The following EXOSC9 variants were observed in gnomAD, a reference collection of about 807,000 sequenced individuals.
EXOSC9 encodes exosome component 9, also known as exosome complex component RRP45.
EXOSC9 carries 38 observed loss-of-function variants against 56.5 expected under a neutral mutation model. The observed-to-expected ratio is 0.67, with a 90% CI of 0.52 to 0.88. The LOEUF is 0.88. EXOSC9 is among the 40% of genes least tolerant of loss of function. The pLI, the probability that EXOSC9 is intolerant of heterozygous loss-of-function variation, is 0.00. For missense variants in EXOSC9, 559 were observed against 530.5 expected (o/e 1.05, Z -0.53); for synonymous variants, 170 against 170.8 (o/e 0.99, Z 0.04).
At chr4:121,807,204 C>T (rs192733470) in intron 5 of EXOSC9, among the ~76,000 whole-genome samples, 3 of 152,182 alleles carry the variant, frequency 2.0e-5, no homozygotes, top group Admixed American at 1.3e-4. Context: ...ATAGGAGAAT[C>T]GCATGAGCCC....
intron 10 of EXOSC9, chr4:121,814,931 C>A (rs1235142147): frequency 6.6e-6 from 1 of 152,128 alleles, no homozygotes; most frequent in East Asian, 1.9e-4. Context: ...GAACAGAAAT[C>A]CTACAAGGAA....
intron 8 of EXOSC9, 79 bp from the exon 9 acceptor site, chr4:121,813,154 GT>G (rs946788974): frequency 1.7e-5 from 22 of 1,333,086 alleles, no homozygotes; most frequent in African/African-American, 1.3e-4. Context: ...TAAAATAATA[GT>G]TTTTTTCCCT....
chr4:121,801,571 G>A, intron 1 of EXOSC9, 81 bp downstream of exon 1: 1 of 1,340,942 alleles, frequency 7.5e-7, no homozygotes, highest in Non-Finnish European at 1.1e-6. Flanking sequence ...GCCCGCCTGG[G>A]CCCGGGGAGC....
chr4:121,804,780 G>C (rs967478475), intron 5 of EXOSC9, 21 bp downstream of exon 5: 1 of 1,558,482 alleles, frequency 6.4e-7, no homozygotes. Context: ...ATGTGAACCA[G>C]GATCCTTGAT....
At chr4:121,804,231 C>G (rs1578497690) in intron 4 of EXOSC9, among the ~76,000 whole-genome samples, 1 of 134,724 alleles carries the variant, frequency 7.4e-6, no homozygotes, top group African/African-American at 2.8e-5. Context: ...TCAGGCTGGT[C>G]TCGAACTCCT....
intron 4 of EXOSC9, 156 bp from the exon 5 acceptor site, chr4:121,804,466 A>G: frequency 2.1e-6 from 1 of 485,986 alleles, no homozygotes; most frequent in South Asian, 4.6e-5. Context: ...TTTGGCTTAA[A>G]TTTTCTAAAA....
intron 6 of EXOSC9, among the ~76,000 whole-genome samples, chr4:121,809,584 A>G (rs1028654913): frequency 7.9e-5 from 12 of 152,336 alleles, no homozygotes; most frequent in Non-Finnish European, 1.8e-4. Context: ...CATTAGCAGA[A>G]CGCAGTAGAA....
chr4:121,816,776 C>G lies in EXOSC9; in HGVS notation c.1240C>G (p.Gln414Glu). 6.3e-7 allele frequency: 1 copy of G among 1,592,868 alleles called. No homozygotes were observed. ...PDKNPKKIRTQTTSAKQEKAP... is the reference protein window; with the variant it reads ...PDKNPKKIRTETTSAKQEKAP... ...CTTACTTTGCTTTATTCACAGAACA[C>G]AGACCACCAGTGCAAAACAAGAAAA... Residue 414 changes from glutamine to glutamate, a missense_variant, in exon 12 of 12, where the codon CAG becomes GAG. By Grantham distance (29) the Gln-to-Glu change is conservative. Transcript: ENST00000243498.
At position 121,813,848 on chromosome 4, in the gene EXOSC9, T is replaced by A. The variant is rs1476546923; in HGVS notation, c.975-18T>A. 6.4e-7 allele frequency: 1 copy of A among 1,569,276 alleles called. No homozygotes were observed. Among genetic ancestry groups the A allele is most frequent in the Admixed American group, 1.8e-5 (1 of 55,682 alleles). ...AAATAGCAATATTTTTGTTACTCAG[T>A]TTTCTTAACTTGTTAAGTGTTTCTA... On this transcript the variant is annotated intron_variant, in intron 9 of 11. Transcript: ENST00000243498.
chr4:121,816,025 A>C (rs1724485912), intron 10 of EXOSC9: 1 of 1,086,722 alleles, frequency 9.2e-7, no homozygotes, highest in South Asian at 3.0e-5. Flanking sequence ...ACTGGAGTGC[A>C]GTGGCACTGC....
At chr4:121,806,865 C>A (rs1727035988) in intron 5 of EXOSC9, among the ~76,000 whole-genome samples, 1 of 151,996 alleles carries the variant, frequency 6.6e-6, no homozygotes, top group Non-Finnish European at 1.5e-5. Flanking sequence ...GTACACCAGA[C>A]TCCTACGGAC....
At chr4:121,816,331 ACTT>A in intron 10 of EXOSC9, 35 bp from the exon 11 acceptor site, 1 of 925,824 alleles carries the variant, frequency 1.1e-6, no homozygotes, top group Non-Finnish European at 1.5e-6. Context: ...AGATTGCTTA[ACTT>A]TTTTTTTTTT....
chr4:121,801,536 G>T, intron 1 of EXOSC9, 46 bp downstream of exon 1: 1 of 1,588,184 alleles, frequency 6.3e-7, no homozygotes, highest in Non-Finnish European at 8.6e-7. Context: ...GGGCGCTCGG[G>T]TCTCAAGGTG....
At chr4:121,812,917 A>C (rs1724294713) in intron 8 of EXOSC9, among the ~76,000 whole-genome samples, 1 of 152,234 alleles carries the variant, frequency 6.6e-6, no homozygotes, top group African/African-American at 2.4e-5. Flanking sequence ...AGCAAGATAC[A>C]TAACCCAGCA....
chr4:121,813,203 TC>T, intron 8 of EXOSC9, 30 bp from the exon 9 acceptor site: 1 of 1,587,234 alleles, frequency 6.3e-7, no homozygotes, highest in South Asian at 1.2e-5. Context: ...TCCTCCCCCT[TC>T]CTTCCCACCA....
At position 121,805,548 on chromosome 4, in the gene EXOSC9, A is replaced by T. The variant is rs1726993353; in HGVS notation, c.522+789A>T. ...GTAGACTGAAGCAGAACCATTAAAAAGTGAGAAATAGGGACAAAGGTTTAT... is the reference window on the plus strand; with the variant it reads ...GTAGACTGAAGCAGAACCATTAAAATGTGAGAAATAGGGACAAAGGTTTAT... On this transcript the variant is annotated intron_variant, in intron 5 of 11. Coordinates refer to ENST00000243498, the MANE Select transcript of EXOSC9 (RefSeq NM_005033.3). Among the ~76,000 whole-genome samples, 4 of 152,248 alleles carry T rather than the reference A, an allele frequency of 2.6e-5. No individual in the cohort carries two copies. The South Asian group carries it at 8.3e-4, about 31-fold the overall frequency.
intron 5 of EXOSC9, among the ~76,000 whole-genome samples, chr4:121,807,222 G>A (rs1727047012): frequency 2.0e-5 from 3 of 152,254 alleles, no homozygotes; most frequent in South Asian, 4.1e-4. Context: ...CCCAGGAGGC[G>A]GAGGTTGCCG....
At position 121,810,066 on chromosome 4, in the gene EXOSC9, G is replaced by A. The variant is rs1466199491; in HGVS notation, c.705G>A (p.Gln235=). The change falls in exon 7 of 12, where the codon CAG becomes CAA. Residue 235 remains glutamine (Q), a synonymous_variant. Coordinates refer to ENST00000243498, the MANE Select transcript of EXOSC9 (RefSeq NM_005033.3). ...MNKHREICTI[Q]SSGGIMLLKD... ...AACATCGAGAGATTTGTACTATCCA[G>A]TCCAGTGGTGGGATAATGCTACTAA... 1.2e-6 allele frequency: 2 copies of A among 1,613,792 alleles called. No individual in the cohort carries two copies. Among genetic ancestry groups the A allele is most frequent in the African/African-American group, 2.7e-5 (2 of 74,932 alleles).
At chr4:121,801,689 A>G (rs1726870736) in intron 1 of EXOSC9, 138 bp from the exon 2 acceptor site, 2 of 815,258 alleles carry the variant, frequency 2.5e-6, no homozygotes, top group Admixed American at 2.1e-5. Context: ...TCCATGCTGT[A>G]GTTTCCACTT....
Sources: gnomAD v4.1 joint callset for allele counts (sites outside exome capture counted in the v4.1 genomes callset) on GRCh38, gnomAD v4.1.1 for gene constraint, MANE v1.5 for transcripts, NCBI Gene and HGNC (gene_info 2026-07-23, HGNC 2026-07-21) for gene names.